Variants in FMN1 observed in about 807,000 individuals in gnomAD.
The protein encoded by FMN1 is formin 1, also known as formin-1.
In FMN1, 110 loss-of-function variants were observed where a neutral mutation model predicts 132.4. The observed-to-expected ratio is 0.83, with a 90% CI of 0.71 to 0.97. The LOEUF (loss-of-function observed/expected upper bound fraction) is 0.97. FMN1 is among the 50% of genes least tolerant of loss of function. The pLI, the probability that FMN1 is intolerant of heterozygous loss-of-function variation, is 0.00. For synonymous variants in FMN1, 722 were observed against 651.7 expected (o/e 1.11, Z -1.64); for missense variants, 1,792 against 1,705.3 (o/e 1.05, Z -0.90).
At chr15:32,827,467 T>G (rs2058394980) in intron 17 of FMN1, among the ~76,000 whole-genome samples, 1 of 152,228 alleles carries the variant, frequency 6.6e-6, no homozygotes, top group South Asian at 2.1e-4. Flanking sequence ...GAAAATAGCA[T>G]TAGTTTTCAT....
chr15:32,886,298 C>G (rs4780057), intron 16 of FMN1, among the ~76,000 whole-genome samples: 28,778 of 152,020 alleles, frequency 0.19, 2,881 homozygotes, highest in East Asian at 0.24. Context: ...TGTGGTACTT[C>G]ATGTGTTTTG....
At chr15:32,931,610 C>A (rs539851263) in intron 9 of FMN1, among the ~76,000 whole-genome samples, 10 of 152,116 alleles carry the variant, frequency 6.6e-5, no homozygotes, top group African/African-American at 2.4e-4. Context: ...TGGGGGAATC[C>A]TTAGGGTTTT....
Position 32,785,216 on chromosome 15 carries a change from A to ATTT in FMN1, c.4131-8298_4131-8297insAAA, listed in dbSNP as rs1281698107. 6.5e-4 allele frequency among the ~76,000 whole-genome samples: 13 copies of ATTT among 20,088 alleles called. 1 individual carries two copies. Among genetic ancestry groups the ATTT allele is most frequent in the African/African-American group, 1.8e-3 (13 of 7,242 alleles). The allele number at this position is 20,088 out of a possible 152,430, so 13.2% of individuals were successfully genotyped here. A position where few individuals can be genotyped will look rare whatever the true frequency, so the allele number is the denominator to read the frequency against. On this transcript the variant is annotated intron_variant, in intron 19 of 20. Transcript: ENST00000616417. ...TGTGTGTGTGTATATATATATATAT[A>ATTT]TATTTTTTTTTTTTTTTTTTTGTAG...
intron 17 of FMN1, among the ~76,000 whole-genome samples, chr15:32,831,245 G>T (rs1344947348): frequency 1.3e-5 from 2 of 151,804 alleles, no homozygotes; most frequent in African/African-American, 2.4e-5. Context: ...TTGAGACAGG[G>T]TTTCGCTGTG....
chr15:33,154,811 T>G lies in FMN1; in HGVS notation c.104A>C (p.Lys35Thr). ...GGATCTGTCTAGAGTTACAGTGCCC[T>G]TGTATGAAAATCCTCTGACTTCCCC... ...PKGEVRGFSY[K>T]GTVTLDRSNK... The change falls in exon 4 of 21, where the codon AAG (lysine) becomes ACG (threonine). Residue 35 changes from lysine to threonine, a missense_variant. By Grantham distance (78) the Lys-to-Thr change is moderately conservative. Around this residue, in one of 3 missense-constraint regions of FMN1, gnomAD observed 638 missense variants for 645.2 expected, o/e 0.99. Coordinates refer to ENST00000616417, the MANE Select transcript of FMN1 (RefSeq NM_001277313.2). 6.5e-7 allele frequency: 1 copy of G among 1,536,160 alleles called. No homozygotes were observed. Among genetic ancestry groups the G allele is most frequent in the Non-Finnish European group, 8.7e-7 (1 of 1,146,894 alleles).
intron 4 of FMN1, among the ~76,000 whole-genome samples, chr15:33,117,278 A>G (rs971985853): frequency 4.6e-5 from 7 of 152,206 alleles, no homozygotes; most frequent in East Asian, 1.9e-4. Context: ...AATAACAACG[A>G]AAGTATTTGT....
intron 10 of FMN1, among the ~76,000 whole-genome samples, chr15:32,917,748 T>C (rs1232063291): frequency 6.6e-6 from 1 of 152,122 alleles, no homozygotes; most frequent in Non-Finnish European, 1.5e-5. Context: ...AAATAATCAT[T>C]CCACTTAAAA....
At chr15:33,120,429 C>G (rs1177981781) in intron 4 of FMN1, among the ~76,000 whole-genome samples, 1 of 152,100 alleles carries the variant, frequency 6.6e-6, no homozygotes, top group East Asian at 1.9e-4. Context: ...TGCACTTTTC[C>G]TACACACCGG....
chr15:33,181,004 G>A lies in FMN1; in HGVS notation c.-196-742C>T, dbSNP rs1296729330. On this transcript the variant is annotated intron_variant, in intron 2 of 20. Coordinates refer to ENST00000616417, the MANE Select transcript of FMN1 (RefSeq NM_001277313.2). Reference sequence around the variant, plus strand: ...GACCTCAAGTGATCCATCACCCTTGGCCTCCCAAAGTGCTGGGATTACAGG... The same window carrying A: ...GACCTCAAGTGATCCATCACCCTTGACCTCCCAAAGTGCTGGGATTACAGG... Among the ~76,000 whole-genome samples, 4 of 152,132 alleles carry A rather than the reference G, an allele frequency of 2.6e-5. No individual in the cohort carries two copies. In the East Asian group the frequency reaches 5.8e-4, roughly 22 times the overall value.
At chr15:32,999,520 G>C (rs1397979829) in intron 7 of FMN1, among the ~76,000 whole-genome samples, 5 of 152,212 alleles carry the variant, frequency 3.3e-5, no homozygotes, top group Non-Finnish European at 5.9e-5. Flanking sequence ...GTTTGGCATT[G>C]ATCCCTGGAT....
chr15:32,907,809 G>A (rs1162913791), intron 12 of FMN1, among the ~76,000 whole-genome samples: 2 of 152,120 alleles, frequency 1.3e-5, no homozygotes, highest in Non-Finnish European at 2.9e-5. Flanking sequence ...CAGTCTCACA[G>A]AGTCCTAAGC....
chr15:33,028,241 G>T (rs184458532), intron 6 of FMN1, among the ~76,000 whole-genome samples: 3 of 152,154 alleles, frequency 2.0e-5, no homozygotes, highest in Non-Finnish European at 4.4e-5. Flanking sequence ...GTCAAGAACT[G>T]CATTTGTAAG....
chr15:33,105,280 G>A (rs1023230604), intron 4 of FMN1, among the ~76,000 whole-genome samples: 26 of 152,126 alleles, frequency 1.7e-4, no homozygotes, highest in African/African-American at 6.3e-4. Context: ...CTTTCCTTGG[G>A]CCACTTTGAG....
At chr15:32,799,455 C>T (rs1023642405) in intron 18 of FMN1, among the ~76,000 whole-genome samples, 1 of 152,152 alleles carries the variant, frequency 6.6e-6, no homozygotes, top group African/African-American at 2.4e-5. Context: ...GGGTCAATCA[C>T]TCAGCATCTT....
At chr15:33,002,307 T>G (rs1229877716) in intron 7 of FMN1, among the ~76,000 whole-genome samples, 1 of 152,194 alleles carries the variant, frequency 6.6e-6, no homozygotes, top group African/African-American at 2.4e-5. Context: ...CAATGATAGC[T>G]GCCAATGGAA....
chr15:33,044,737 C>G (rs1413867951), intron 6 of FMN1, among the ~76,000 whole-genome samples: 2 of 152,142 alleles, frequency 1.3e-5, no homozygotes, highest in East Asian at 1.9e-4. Context: ...GCTACACACC[C>G]AAGGGTCTTC....
At chr15:32,785,214 A>ATT (rs1567163022) in intron 19 of FMN1, among the ~76,000 whole-genome samples, 2 of 22,142 alleles carry the variant, frequency 9.0e-5, no homozygotes, top group African/African-American at 1.5e-4. Flanking sequence ...ATATATATAT[A>ATT]TATATTTTTT....
rs78584113 is a variant in FMN1 at position 32,782,514 on chromosome 15, G to C, written c.4131-5595C>G. ...TAAATATTTACACGTGTCATCTTAT[G>C]TATAGATTCCAAGATACTTAAAAGT... On this transcript the variant is annotated intron_variant, in intron 19 of 20. Transcript: ENST00000616417. 8.8e-3 allele frequency among the ~76,000 whole-genome samples: 1,339 copies of C among 152,324 alleles called. 26 individuals are homozygous for C. Among genetic ancestry groups the C allele is most frequent in the African/African-American group, 0.031 (1,268 of 41,560 alleles).
At chr15:33,050,660 G>A (rs1004208634) in intron 6 of FMN1, among the ~76,000 whole-genome samples, 2 of 152,216 alleles carry the variant, frequency 1.3e-5, no homozygotes, top group African/African-American at 4.8e-5. Flanking sequence ...TATTCTGAGA[G>A]GCCAACTGTG....
Sources: gnomAD v4.1 joint callset for allele counts (sites outside exome capture counted in the v4.1 genomes callset) on GRCh38, gnomAD v4.1.1 for gene constraint, gnomAD v4.1.1 regional missense constraint, MANE v1.5 for transcripts, NCBI Gene and HGNC (gene_info 2026-07-23, HGNC 2026-07-21) for gene names.